The following FSTL4 variants were observed in gnomAD, a reference collection of about 807,000 sequenced individuals.
The protein encoded by FSTL4 is follistatin like 4.
A neutral mutation model predicts 78.2 loss-of-function variants in FSTL4; 28 were observed. The ratio of observed to expected loss-of-function variants is 0.36; its 90% CI spans 0.27 to 0.49. The LOEUF is 0.49. Among genes scored for constraint, FSTL4 ranks in the 20% least tolerant of loss-of-function variants. FSTL4 has a pLI of 0.98. For synonymous variants in FSTL4, 422 were observed against 440.5 expected, an observed-to-expected ratio of 0.96 and a Z score of 0.53; for missense variants, 922 against 1,084.9, an observed-to-expected ratio of 0.85 and a Z score of 2.11.
intron 3 of FSTL4, among the ~76,000 whole-genome samples, chr5:133,512,233 C>T (rs1758749901): frequency 6.6e-6 from 1 of 152,226 alleles, no homozygotes. Context: ...CTGTGTCCTA[C>T]CCACCTCTCT....
At chr5:133,660,179 C>A in the FSTL4 span, among the ~76,000 whole-genome samples, 8 of 152,220 alleles carry the variant, frequency 5.3e-5, no homozygotes, top group Admixed American at 2.0e-4. Flanking sequence ...ATTTACTAAG[C>A]AGTCACTGTG....
At chr5:133,693,849 T>TG in the FSTL4 span, among the ~76,000 whole-genome samples, 6 of 152,138 alleles carry the variant, frequency 3.9e-5, no homozygotes, top group African/African-American at 9.7e-5. Context: ...TCCAAGGTAG[T>TG]GGGGGGTTGC....
At chr5:133,630,580 A>G in the FSTL4 span, among the ~76,000 whole-genome samples, 3 of 152,246 alleles carry the variant, frequency 2.0e-5, no homozygotes, top group East Asian at 3.8e-4. Flanking sequence ...AAAGTAATTT[A>G]TAGATTCAAT....
intron 3 of FSTL4, among the ~76,000 whole-genome samples, chr5:133,478,057 G>A (rs1757957640): frequency 6.6e-6 from 1 of 152,212 alleles, no homozygotes; most frequent in Non-Finnish European, 1.5e-5. Context: ...ATATCGTTGT[G>A]TGAGTGAGTT....
intron 3 of FSTL4, among the ~76,000 whole-genome samples, chr5:133,524,455 T>C (rs1177184813): frequency 6.6e-6 from 1 of 152,160 alleles, no homozygotes; most frequent in Non-Finnish European, 1.5e-5. Context: ...CGGTGTCAAC[T>C]CTGAGGAGTT....
At chr5:133,609,030 A>C (rs1761032898) in intron 1 of FSTL4, among the ~76,000 whole-genome samples, 5 of 152,190 alleles carry the variant, frequency 3.3e-5, no homozygotes, top group Admixed American at 3.3e-4. Context: ...TGGCCCTCAG[A>C]GTTTCGGTGG....
At chr5:133,692,102 G>C in the FSTL4 span, among the ~76,000 whole-genome samples, 1 of 152,206 alleles carries the variant, frequency 6.6e-6, no homozygotes, top group Non-Finnish European at 1.5e-5. Flanking sequence ...GGAGTGATGG[G>C]AAGCTGCCCT....
Position 133,393,129 on chromosome 5 carries a change from C to T in FSTL4, c.409+7609G>A, listed in dbSNP as rs114989042. Among the ~76,000 whole-genome samples the T allele has an allele frequency of 7.4e-3, 1,124 of 152,234 alleles. 11 individuals carry two copies. Among genetic ancestry groups the T allele is most frequent in the African/African-American group, 0.024 (1,015 of 41,520 alleles). ...CTGAGCTCCCAGGGATGCTGGACTA[C>T]GGGGCTATGAGTGAACTGTCAGTTC... On this transcript the variant is annotated intron_variant, in intron 4 of 15. Coordinates refer to ENST00000265342, the MANE Select transcript of FSTL4 (RefSeq NM_015082.2).
At chr5:133,684,832 G>A in the FSTL4 span, among the ~76,000 whole-genome samples, 7 of 152,130 alleles carry the variant, frequency 4.6e-5, no homozygotes, top group Admixed American at 2.6e-4. Context: ...CATAAATTAC[G>A]GATGACCTGG....
chr5:133,749,084 G>A, the FSTL4 span, among the ~76,000 whole-genome samples: 1 of 152,160 alleles, frequency 6.6e-6, no homozygotes, highest in Admixed American at 6.5e-5. Context: ...GTTGGTTGTG[G>A]GTAGATAATA....
chr5:133,442,341 T>C (rs764243920), intron 3 of FSTL4, among the ~76,000 whole-genome samples: 1 of 152,204 alleles, frequency 6.6e-6, no homozygotes, highest in Non-Finnish European at 1.5e-5. Context: ...CTTCTCTTTG[T>C]TGCTAATTGT....
the FSTL4 span, among the ~76,000 whole-genome samples, chr5:133,685,899 T>C: frequency 0.45 from 68,729 of 152,040 alleles, 15,802 homozygotes; most frequent in East Asian, 0.57. Flanking sequence ...ATACTCCCGA[T>C]TCATTTATTT....
chr5:133,684,620 C>G, the FSTL4 span, among the ~76,000 whole-genome samples: 2 of 152,218 alleles, frequency 1.3e-5, no homozygotes, highest in African/African-American at 4.8e-5. Context: ...CCTGGTCTTT[C>G]TGCCTTCGAG....
At chr5:133,763,253 C>T in the FSTL4 span, among the ~76,000 whole-genome samples, 13 of 152,224 alleles carry the variant, frequency 8.5e-5, no homozygotes, top group Non-Finnish European at 1.8e-4. Flanking sequence ...TGTTTACCTA[C>T]AAGAGTAGCC....
At chr5:133,516,970 T>C (rs773382906) in intron 3 of FSTL4, among the ~76,000 whole-genome samples, 10 of 152,028 alleles carry the variant, frequency 6.6e-5, no homozygotes, top group Admixed American at 1.3e-4. Flanking sequence ...CCCAGCACTT[T>C]GGGAGACTGA....
intron 3 of FSTL4, among the ~76,000 whole-genome samples, chr5:133,421,770 T>C (rs1580698074): frequency 6.9e-6 from 1 of 144,330 alleles, no homozygotes; most frequent in South Asian, 2.1e-4. Context: ...TGCTCACTCA[T>C]TCATTCATTC....
intron 4 of FSTL4, among the ~76,000 whole-genome samples, chr5:133,354,314 C>T (rs921218453): frequency 3.2e-4 from 49 of 152,176 alleles, no homozygotes; most frequent in African/African-American, 1.2e-3. Flanking sequence ...GACAGAGGAG[C>T]GCACAATCCC....
At chr5:133,390,954 A>T (rs1755834277) in intron 4 of FSTL4, among the ~76,000 whole-genome samples, 1 of 152,296 alleles carries the variant, frequency 6.6e-6, no homozygotes, top group East Asian at 1.9e-4. Flanking sequence ...CCTCTGCTCA[A>T]TTCTTGTACC....
At chr5:133,240,174 C>T (rs752720007) in intron 7 of FSTL4, among the ~76,000 whole-genome samples, 8 of 152,164 alleles carry the variant, frequency 5.3e-5, no homozygotes, top group South Asian at 4.1e-4. Context: ...AAACTCCAAA[C>T]GCATCCGAGC....
Sources: allele counts gnomAD v4.1 joint callset (sites outside exome capture counted in the v4.1 genomes callset), GRCh38; gene constraint gnomAD v4.1.1; transcripts MANE v1.5; gene names NCBI Gene and HGNC (gene_info 2026-07-23, HGNC 2026-07-21).